The following ZNF91 variants were observed in gnomAD, a reference collection of about 807,000 sequenced individuals.
The protein encoded by ZNF91 is zinc finger protein 91.
In ZNF91, 7 loss-of-function variants were observed where a neutral mutation model predicts 12.6. That is an observed-to-expected ratio of 0.55 (90% confidence interval 0.31 to 1.04). The LOEUF is 1.04. Ranked by LOEUF, ZNF91 falls within the 50% of genes least tolerant of loss-of-function variation. The pLI is 0.05. For missense variants in ZNF91, 1,217 were observed against 1,385.4 expected, an observed-to-expected ratio of 0.88 and a Z score of 1.93; for synonymous variants, 453 against 462.6, an observed-to-expected ratio of 0.98 and a Z score of 0.27.
upstream of ZNF91, among the ~76,000 whole-genome samples, chr19:23,311,849 T>C (rs766031879): frequency 3.1e-4 from 47 of 151,772 alleles, no homozygotes; most frequent in Non-Finnish European, 5.6e-4. Context: ...TTATGGTGTG[T>C]CTTTTGTTCA....
chr19:23,376,174 A>G (rs1969498177), intron 1 of ZNF91, among the ~76,000 whole-genome samples: 1 of 152,162 alleles, frequency 6.6e-6, no homozygotes, highest in East Asian at 1.9e-4. Context: ...TATGTTCTCC[A>G]TCTTCACTAA....
intron 1 of ZNF91, among the ~76,000 whole-genome samples, chr19:23,393,967 C>T (rs1384772290): frequency 1.3e-5 from 2 of 152,084 alleles, no homozygotes; most frequent in Non-Finnish European, 2.9e-5. Context: ...CACTGCACTC[C>T]AGCCTGGGTG....
At chr19:23,353,902 T>C (rs1007108332), downstream of ZNF91, among the ~76,000 whole-genome samples, 1 of 152,132 alleles carries the variant, frequency 6.6e-6, no homozygotes, top group Non-Finnish European at 1.5e-5. Context: ...TCAGGAGGCA[T>C]TAGATACCCT....
chr19:23,316,768 T>C (rs1967568519), intron 1 of ZNF91, among the ~76,000 whole-genome samples: 1 of 152,180 alleles, frequency 6.6e-6, no homozygotes, highest in African/African-American at 2.4e-5. Context: ...TGTATGAAGG[T>C]TATAGAAAAT....
intron 3 of ZNF91, among the ~76,000 whole-genome samples, chr19:23,371,639 A>C (rs1969283816): frequency 1.3e-5 from 2 of 152,232 alleles, no homozygotes; most frequent in South Asian, 2.1e-4. Flanking sequence ...TAATGAAAGA[A>C]ATGTTTACTC....
chr19:23,319,803 G>A (rs1286359843), intron 1 of ZNF91, among the ~76,000 whole-genome samples: 1 of 152,156 alleles, frequency 6.6e-6, no homozygotes, highest in Non-Finnish European at 1.5e-5. Flanking sequence ...CCCAATCCAT[G>A]AGTGATTGTG....
chr19:23,388,922 C>A (rs117473525), intron 1 of ZNF91, among the ~76,000 whole-genome samples: 4 of 152,086 alleles, frequency 2.6e-5, no homozygotes, highest in Non-Finnish European at 5.9e-5. Flanking sequence ...AAACCAAATG[C>A]ATGTTATTTA....
intron 3 of ZNF91, among the ~76,000 whole-genome samples, chr19:23,373,530 T>TA (rs939942313): frequency 3.3e-5 from 5 of 152,136 alleles, no homozygotes; most frequent in Non-Finnish European, 7.4e-5. Flanking sequence ...GCTGTCACTG[T>TA]AAACTTGAAG....
At chr19:23,306,552 C>T (rs561909927) in intron 3 of ZNF91, among the ~76,000 whole-genome samples, 141 of 152,202 alleles carry the variant, frequency 9.3e-4, no homozygotes, top group Non-Finnish European at 1.8e-3. Context: ...GCCCTACACC[C>T]AAATATGTGA....
chr19:23,372,001 CA>C (rs1301639103), intron 3 of ZNF91, among the ~76,000 whole-genome samples: 1 of 150,688 alleles, frequency 6.6e-6, no homozygotes, highest in Non-Finnish European at 1.5e-5. Context: ...ATGTATAAAA[CA>C]AATATTTGAG....
intron 1 of ZNF91, among the ~76,000 whole-genome samples, chr19:23,381,173 T>A (rs533768693): frequency 3.3e-5 from 5 of 152,302 alleles, no homozygotes; most frequent in African/African-American, 1.2e-4. Flanking sequence ...ATACTACTCA[T>A]AATGTATGTA....
rs1568385532 is a variant in ZNF91 at position 23,361,707 on chromosome 19, A to G, written c.1272T>C (p.His424=). Residue 424 remains histidine (H), a synonymous_variant, in exon 4 of 4, where the codon CAT becomes CAC. Transcript: ENST00000300619. ...AFNRSSNLTI[H]KFIHTGEKPY... ...GTTTCTCTCCAGTATGAATAAACTT[A>G]TGTATAGTAAGATTTGAAGATCGAT... 1.9e-6 allele frequency: 3 copies of G among 1,610,884 alleles called. No homozygotes were observed. The highest frequency in any genetic ancestry group is 3.3e-4 in the Middle Eastern group (2 of 6,012).
intron 3 of ZNF91, among the ~76,000 whole-genome samples, chr19:23,348,224 C>T (rs1968277246): frequency 6.6e-6 from 1 of 151,986 alleles, no homozygotes; most frequent in Admixed American, 6.6e-5. Flanking sequence ...AGATTCTGTG[C>T]AACACCAAAG....
intron 1 of ZNF91, among the ~76,000 whole-genome samples, chr19:23,375,484 T>C (rs1969473898): frequency 6.6e-6 from 1 of 152,152 alleles, no homozygotes; most frequent in African/African-American, 2.4e-5. Flanking sequence ...TTAATGTGTA[T>C]GATAAACTAG....
downstream of ZNF91, among the ~76,000 whole-genome samples, chr19:23,354,990 A>G (rs1480671025): frequency 3.9e-5 from 6 of 152,234 alleles, no homozygotes; most frequent in African/African-American, 1.4e-4. Flanking sequence ...AACACATCCC[A>G]TGCACAAGCA....
intron 1 of ZNF91, among the ~76,000 whole-genome samples, chr19:23,394,310 T>G (rs1313362006): frequency 2.6e-5 from 4 of 152,096 alleles, no homozygotes; most frequent in African/African-American, 9.7e-5. Flanking sequence ...AAAATAAAAA[T>G]CTAAACTCAA....
intron 1 of ZNF91, among the ~76,000 whole-genome samples, chr19:23,393,473 G>A (rs1970135980): frequency 6.6e-6 from 1 of 151,906 alleles, no homozygotes; most frequent in Admixed American, 6.6e-5. Context: ...CTAGGTCCAA[G>A]AAAAAACTGA....
chr19:23,365,786 C>T (rs1774429561), intron 3 of ZNF91, among the ~76,000 whole-genome samples: 11 of 151,940 alleles, frequency 7.2e-5, no homozygotes, highest in Admixed American at 7.2e-4. Flanking sequence ...AGCATGCTGC[C>T]TGCAAGCATC....
downstream of ZNF91, among the ~76,000 whole-genome samples, chr19:23,355,860 A>C (rs1177281058): frequency 1.3e-5 from 2 of 152,234 alleles, no homozygotes; most frequent in Admixed American, 1.3e-4. Context: ...GAAAATTCTC[A>C]AAAGAAGATA....
Sources: gnomAD v4.1 joint callset for allele counts (sites outside exome capture counted in the v4.1 genomes callset) on GRCh38, gnomAD v4.1.1 for gene constraint, MANE v1.5 for transcripts, NCBI Gene and HGNC (gene_info 2026-07-23, HGNC 2026-07-21) for gene names.